The following ARHGEF10L variants were observed in gnomAD, a reference collection of about 807,000 sequenced individuals.
The protein encoded by ARHGEF10L is Rho guanine nucleotide exchange factor 10 like, also known as rho guanine nucleotide exchange factor 10-like protein.
A neutral mutation model predicts 141.2 loss-of-function variants in ARHGEF10L; 69 were observed. The observed-to-expected ratio is 0.49, with a 90% CI of 0.40 to 0.60. ARHGEF10L has a LOEUF of 0.60. ARHGEF10L is among the 20% of genes least tolerant of loss of function. The probability of loss-of-function intolerance (pLI) is 0.00; values close to 1 mark genes in which losing one functional copy is unlikely to be tolerated. For synonymous variants in ARHGEF10L, 711 were observed against 718.5 expected (o/e 0.99, Z 0.17); for missense variants, 1,482 against 1,734.3 (o/e 0.85, Z 2.58).
At chr1:17,520,633 T>A in the ARHGEF10L span, among the ~76,000 whole-genome samples, 1 of 152,306 alleles carries the variant, frequency 6.6e-6, no homozygotes, top group East Asian at 1.9e-4. Flanking sequence ...TGGGATGGAC[T>A]CTGTGAGGAG....
chr1:17,640,586 A>T (rs796686028), intron 21 of ARHGEF10L, among the ~76,000 whole-genome samples: 1 of 152,262 alleles, frequency 6.6e-6, no homozygotes, highest in African/African-American at 2.4e-5. Flanking sequence ...ACCTGAGAGG[A>T]GAGGATAATG....
Position 17,673,182 on chromosome 1 carries a change from G to A in ARHGEF10L, c.3009+8587G>A, listed in dbSNP as rs527566054. 9.2e-5 allele frequency among the ~76,000 whole-genome samples: 14 copies of A among 152,274 alleles called. No homozygotes were observed. In the East Asian group the frequency reaches 2.7e-3, roughly 29 times the overall value. ...AACAGACATCGTGGAGAGGACATAT[G>A]GGACGGGAGGTGAGGAAGGGGAGCT... is the stretch of plus-strand genomic sequence containing the variant. On this transcript the variant is annotated intron_variant, in intron 26 of 28. Transcript: ENST00000361221. The surrounding 1 kb of genome is among the most constrained non-coding windows in gnomAD (Gnocchi z 4.1).
chr1:17,696,616 C>T (rs2270980), intron 28 of ARHGEF10L, among the ~76,000 whole-genome samples: 1,622 of 152,246 alleles, frequency 0.011, 31 homozygotes, highest in East Asian at 0.075. Flanking sequence ...TGGAATTTCA[C>T]ACTGAGGCTC....
chr1:17,635,120 A>G, intron 18 of ARHGEF10L, 104 bp downstream of exon 18: 2 of 1,383,070 alleles, frequency 1.4e-6, no homozygotes, highest in Admixed American at 5.0e-5. Flanking sequence ...GGACCCCTAC[A>G]TAGGCTGATG....
chr1:17,566,397 G>C (rs1322976085), intron 1 of ARHGEF10L, among the ~76,000 whole-genome samples: 1 of 152,258 alleles, frequency 6.6e-6, no homozygotes, highest in African/African-American at 2.4e-5. Context: ...GATCTGTAAA[G>C]CTGTAACTAT....
chr1:17,671,931 C>G (rs12565243), intron 26 of ARHGEF10L, among the ~76,000 whole-genome samples: 8,788 of 152,274 alleles, frequency 0.058, 665 homozygotes, highest in African/African-American at 0.16. Flanking sequence ...GAGATGGGCT[C>G]TGTCTGTAAT....
chr1:17,655,366 G>GTCCA (rs2062163645), intron 23 of ARHGEF10L, among the ~76,000 whole-genome samples: 1 of 150,400 alleles, frequency 6.6e-6, no homozygotes, highest in Admixed American at 6.6e-5. Context: ...TTATTTATCT[G>GTCCA]TCCATCCATC....
chr1:17,668,485 G>A (rs1239400316), intron 26 of ARHGEF10L, among the ~76,000 whole-genome samples: 1 of 152,256 alleles, frequency 6.6e-6, no homozygotes, highest in Non-Finnish European at 1.5e-5. Flanking sequence ...CCATCCCTGG[G>A]GCCCCAATGG....
chr1:17,667,671 A>G (rs1404591481), intron 26 of ARHGEF10L, among the ~76,000 whole-genome samples: 2 of 152,198 alleles, frequency 1.3e-5, no homozygotes, highest in Non-Finnish European at 2.9e-5. Flanking sequence ...GAAGCCAGAA[A>G]TTACAGGCAG....
At chr1:17,561,414 C>T (rs776959352) in intron 1 of ARHGEF10L, among the ~76,000 whole-genome samples, 2 of 152,226 alleles carry the variant, frequency 1.3e-5, no homozygotes, top group South Asian at 4.1e-4. Context: ...GAGGGAGATG[C>T]TGGCTTTTCC....
At chr1:17,542,049 G>C (rs1008828329) in intron 1 of ARHGEF10L, among the ~76,000 whole-genome samples, 3 of 152,200 alleles carry the variant, frequency 2.0e-5, no homozygotes, top group African/African-American at 7.2e-5. Context: ...TGAGGTGGGA[G>C]GGTCGCTTGA....
chr1:17,539,546 C>A (rs527931127), upstream of ARHGEF10L, among the ~76,000 whole-genome samples: 86 of 151,946 alleles, frequency 5.7e-4, 2 homozygotes, highest in South Asian at 0.017. This position sits in a 1 kb window ranked among gnomAD's most constrained non-coding sequence, Gnocchi z 6.0. Flanking sequence ...GCCGGGACCG[C>A]TGGGGGCTCG....
At chr1:17,692,468 C>T (rs1260764218) in intron 27 of ARHGEF10L, among the ~76,000 whole-genome samples, 1 of 152,198 alleles carries the variant, frequency 6.6e-6, no homozygotes, top group Non-Finnish European at 1.5e-5. Context: ...CACTGCTATG[C>T]ACCCAGCTGC....
At chr1:17,556,027 A>G (rs565774748) in intron 1 of ARHGEF10L, among the ~76,000 whole-genome samples, 1 of 148,776 alleles carries the variant, frequency 6.7e-6, no homozygotes, top group South Asian at 2.2e-4. Flanking sequence ...GAGACTCCCA[A>G]TTAGGTTAGG....
In ARHGEF10L at chr1:17,654,486, G is replaced by T. The variant is rs377050501; in HGVS notation, c.2395-150G>T. ...GAGCGTGTAGGAACTGCCTGGAGAA[G>T]CAGGCACTCGTGAAGCATGTTGCTT... On this transcript the variant is annotated intron_variant, in intron 22 of 28. Transcript: ENST00000361221. This position sits in a 1 kb window ranked among gnomAD's most constrained non-coding sequence, Gnocchi z 4.3. 2 of 745,104 alleles carry T rather than the reference G, an allele frequency of 2.7e-6. No individual in the cohort carries two copies. The highest frequency in any genetic ancestry group is 4.9e-6 in the Non-Finnish European group (2 of 410,162). The allele number at this position is 745,104 out of a possible 1,614,324, so 46.2% of individuals were successfully genotyped here. A position where few individuals can be genotyped will look rare whatever the true frequency, so the allele number is the denominator to read the frequency against.
At position 17,638,682 on chromosome 1, in the gene ARHGEF10L, C is replaced by A; in HGVS notation, c.2164C>A (p.Pro722Thr). 6.2e-7 allele frequency: 1 copy of A among 1,614,022 alleles called. No individual in the cohort carries two copies. Among genetic ancestry groups the A allele is most frequent in the South Asian group, 1.1e-5 (1 of 91,078 alleles). ...CRLRLLLPGKPDKSGRPISFM... is the reference protein window; with the variant it reads ...CRLRLLLPGKTDKSGRPISFM... Reference sequence around the variant, plus strand: ...TCTCAGGCTCCTGCTTCCTGGGAAACCCGACAAGTGAGAGGAGGGGGTCTT... The same window carrying A: ...TCTCAGGCTCCTGCTTCCTGGGAAAACCGACAAGTGAGAGGAGGGGGTCTT... The change falls in exon 20 of 29, where the codon CCC (proline) becomes ACC (threonine). Residue 722 changes from proline (P) to threonine (T), a missense_variant. Coordinates refer to ENST00000361221, the MANE Select transcript of ARHGEF10L (RefSeq NM_018125.4).
intron 1 of ARHGEF10L, among the ~76,000 whole-genome samples, chr1:17,565,868 G>A (rs2077733388): frequency 6.6e-6 from 1 of 152,192 alleles, no homozygotes; most frequent in South Asian, 2.1e-4. Context: ...CTCCCTGGCT[G>A]CCTCCTCTCC....
At chr1:17,582,255 C>T (rs911544578) in intron 2 of ARHGEF10L, among the ~76,000 whole-genome samples, 1 of 152,116 alleles carries the variant, frequency 6.6e-6, no homozygotes, top group Non-Finnish European at 1.5e-5. Flanking sequence ...GCCATGGGCA[C>T]CTGTTCCCTT....
the ARHGEF10L span, among the ~76,000 whole-genome samples, chr1:17,514,116 A>G: frequency 7.0e-3 from 607 of 86,930 alleles, 4 homozygotes; most frequent in African/African-American, 0.025. Flanking sequence ...GAGCCACCTC[A>G]CCCAGCCTCT....
Sources: allele counts gnomAD v4.1 joint callset (sites outside exome capture counted in the v4.1 genomes callset), GRCh38; gene constraint gnomAD v4.1.1; non-coding constraint Gnocchi (gnomAD v3.1); transcripts MANE v1.5; gene names NCBI Gene and HGNC (gene_info 2026-07-23, HGNC 2026-07-21).